FTCDNL1: variants seen among roughly 807,000 people sequenced by gnomAD.
FTCDNL1 encodes formiminotransferase cyclodeaminase N-terminal like.
Under a neutral mutation model 5.9 loss-of-function variants are expected in FTCDNL1, and 11 were observed. That is an observed-to-expected ratio of 1.87 (90% CI 1.18 to 3.10). FTCDNL1 has a LOEUF of 3.10. Ranked by LOEUF, FTCDNL1 falls within the 30% of genes most tolerant of loss-of-function variation. The probability of loss-of-function intolerance (pLI) is 0.00; values close to 1 mark genes in which losing one functional copy is unlikely to be tolerated. For missense variants in FTCDNL1, 115 were observed against 65.5 expected (o/e 1.76, Z -2.61); for synonymous variants, 58 against 24.8 (o/e 2.34, Z -3.99).
At chr2:199,806,545 T>C (rs1700735966), downstream of FTCDNL1, among the ~76,000 whole-genome samples, 1 of 152,164 alleles carries the variant, frequency 6.6e-6, no homozygotes, top group African/African-American at 2.4e-5. Context: ...TCTCACAGAG[T>C]GGTCCTTTGT....
At chr2:199,704,100 T>G in the FTCDNL1 span, among the ~76,000 whole-genome samples, 4 of 152,266 alleles carry the variant, frequency 2.6e-5, no homozygotes, top group East Asian at 7.7e-4. Flanking sequence ...GGAAATAACC[T>G]TTTATATCCA....
intron 3 of FTCDNL1, among the ~76,000 whole-genome samples, chr2:199,801,211 G>C (rs531581002): frequency 6.6e-6 from 1 of 152,234 alleles, no homozygotes; most frequent in Admixed American, 6.5e-5. Flanking sequence ...TGGAAGAGCT[G>C]GTAATGACTT....
intron 3 of FTCDNL1, among the ~76,000 whole-genome samples, chr2:199,776,330 C>A (rs1412385607): frequency 6.6e-6 from 1 of 152,220 alleles, no homozygotes; most frequent in East Asian, 1.9e-4. Flanking sequence ...AAGAACAATT[C>A]AGCTAAGGCT....
rs77206085 is a variant in FTCDNL1 at position 199,834,895 on chromosome 2, G to A, written c.211+11180C>T. The stretch of plus-strand genomic sequence containing the variant: ...CTGCTTTCGATTGTCAGAAATTCTA[G>A]CTGTGTGGTGGCTCATGCCTATAAT... On this transcript the variant is annotated intron_variant, in intron 3 of 4. Coordinates refer to ENST00000420128, the MANE Select transcript of FTCDNL1 (RefSeq NM_001363886.2). Among the ~76,000 whole-genome samples, 671 of 152,212 alleles carry A rather than the reference G, an allele frequency of 4.4e-3. 3 individuals carry two copies. Among genetic ancestry groups the A allele is most frequent in the African/African-American group, 0.015 (616 of 41,556 alleles).
At chr2:199,758,477 A>T (rs1574427622), downstream of FTCDNL1, among the ~76,000 whole-genome samples, 1 of 150,770 alleles carries the variant, frequency 6.6e-6, no homozygotes, top group Non-Finnish European at 1.5e-5. Context: ...AGAACTGGGG[A>T]AACAAAGACC....
chr2:199,797,261 AATGAATCCATTT>A (rs894954630), intron 3 of FTCDNL1, among the ~76,000 whole-genome samples: 6 of 152,370 alleles, frequency 3.9e-5, no homozygotes, highest in Middle Eastern at 3.4e-3. Flanking sequence ...ATGCAGAATG[AATGAATCCATTT>A]ATGCAGCAGG....
At chr2:199,788,110 G>T (rs1699752070) in intron 3 of FTCDNL1, among the ~76,000 whole-genome samples, 1 of 152,132 alleles carries the variant, frequency 6.6e-6, no homozygotes, top group Non-Finnish European at 1.5e-5. Context: ...ATAAGAAAAA[G>T]AACATAAACA....
chr2:199,708,055 C>A, the FTCDNL1 span, among the ~76,000 whole-genome samples: 1 of 151,912 alleles, frequency 6.6e-6, no homozygotes, highest in Admixed American at 6.6e-5. Context: ...ATTCCAAATA[C>A]ATTTATGTTA....
the FTCDNL1 span, among the ~76,000 whole-genome samples, chr2:199,669,773 A>G: frequency 1.2e-4 from 18 of 152,202 alleles, no homozygotes; most frequent in Non-Finnish European, 1.9e-4. Context: ...CCAGGAATGA[A>G]CTATTCTTAC....
At chr2:199,796,764 C>T (rs2106383959) in intron 3 of FTCDNL1, among the ~76,000 whole-genome samples, 1 of 148,382 alleles carries the variant, frequency 6.7e-6, no homozygotes, top group Non-Finnish European at 1.5e-5. Flanking sequence ...AAGTAGTATC[C>T]TTAAAAAAAA....
At chr2:199,698,326 A>G in the FTCDNL1 span, among the ~76,000 whole-genome samples, 3 of 152,198 alleles carry the variant, frequency 2.0e-5, no homozygotes, top group African/African-American at 7.2e-5. Flanking sequence ...CAACAACAGA[A>G]TATAAATTCT....
the FTCDNL1 span, among the ~76,000 whole-genome samples, chr2:199,738,490 A>C: frequency 0.014 from 2,107 of 152,334 alleles, 52 homozygotes; most frequent in African/African-American, 0.048. Context: ...TAGCCTGTGA[A>C]GATCACGTTT....
chr2:199,771,529 T>A (rs896372880), intron 3 of FTCDNL1, among the ~76,000 whole-genome samples: 7 of 152,258 alleles, frequency 4.6e-5, no homozygotes, highest in Non-Finnish European at 8.8e-5. Flanking sequence ...TAATCATAAT[T>A]ATTTTAAATA....
At chr2:199,759,482 G>T (rs774413063), downstream of FTCDNL1, among the ~76,000 whole-genome samples, 3 of 151,930 alleles carry the variant, frequency 2.0e-5, no homozygotes, top group Admixed American at 2.0e-4. Flanking sequence ...CCAAACAGAG[G>T]AATTAGGCCA....
the FTCDNL1 span, among the ~76,000 whole-genome samples, chr2:199,668,152 G>C: frequency 1.3e-5 from 2 of 152,220 alleles, no homozygotes; most frequent in East Asian, 3.9e-4. Context: ...TGTATTCACA[G>C]TGCCAGACAT....
intron 3 of FTCDNL1, among the ~76,000 whole-genome samples, chr2:199,821,337 T>TAA (rs1701674390): frequency 6.7e-6 from 1 of 150,100 alleles, no homozygotes; most frequent in African/African-American, 2.4e-5. Context: ...TTTTTTTTTT[T>TAA]TTTTAGTAGA....
intron 3 of FTCDNL1, among the ~76,000 whole-genome samples, chr2:199,781,221 A>G (rs1221168823): frequency 6.6e-6 from 1 of 152,176 alleles, no homozygotes; most frequent in Non-Finnish European, 1.5e-5. Context: ...GATATAAACC[A>G]TTACCTATAT....
At chr2:199,836,253 C>T (rs1702731554) in intron 3 of FTCDNL1, among the ~76,000 whole-genome samples, 1 of 152,178 alleles carries the variant, frequency 6.6e-6, no homozygotes, top group Admixed American at 6.5e-5. Context: ...CAGCCTCAAC[C>T]TCCTGGGCTC....
At chr2:199,686,832 A>G in the FTCDNL1 span, among the ~76,000 whole-genome samples, 1 of 152,196 alleles carries the variant, frequency 6.6e-6, no homozygotes, top group Non-Finnish European at 1.5e-5. Context: ...TTAACATAAA[A>G]ACAACACTGA....
Sources: allele counts gnomAD v4.1 joint callset (sites outside exome capture counted in the v4.1 genomes callset), GRCh38; gene constraint gnomAD v4.1.1; transcripts MANE v1.5; gene names NCBI Gene and HGNC (gene_info 2026-07-23, HGNC 2026-07-21).